SEC14L5: variants seen among roughly 807,000 people sequenced by gnomAD.
SEC14L5 encodes the protein SEC14 like lipid binding 5.
SEC14L5 carries 96 observed loss-of-function variants against 84.6 expected under a neutral mutation model. The ratio of observed to expected loss-of-function variants is 1.13; its 90% CI spans 0.96 to 1.34. The LOEUF (loss-of-function observed/expected upper bound fraction) is 1.34, where lower values mean the gene tolerates loss of function less well. Ranked by LOEUF, SEC14L5 falls within the 40% of genes most tolerant of loss-of-function variation. The pLI is 0.00. For missense variants in SEC14L5, 1,224 were observed against 942.5 expected (o/e 1.30, Z -3.91); for synonymous variants, 546 against 383.4 (o/e 1.42, Z -4.95).
intron 14 of SEC14L5, among the ~76,000 whole-genome samples, chr16:5,010,592 C>G (rs985536093): frequency 1.8e-4 from 27 of 152,124 alleles, no homozygotes; most frequent in Non-Finnish European, 4.4e-5. Flanking sequence ...GGAGGGCCGT[C>G]CTGCATGTCC....
intron 5 of SEC14L5, 88 bp from the exon 6 acceptor site, chr16:4,991,750 C>G: frequency 3.6e-6 from 3 of 842,290 alleles, no homozygotes; most frequent in Non-Finnish European, 5.3e-6. Context: ...GGGACCTGAG[C>G]CGGCTGGGGG....
rs183931288 is a variant in SEC14L5, at chr16:4,965,615, A to C, written c.63+6229A>C. On this transcript the variant is annotated intron_variant, in intron 2 of 15. Transcript: ENST00000251170. ...GGCGGAGCTTGCACTGAGCCGAGAT[A>C]GCACCACTGCACTCCAGCCTGGGCA... Among the ~76,000 whole-genome samples the C allele has an allele frequency of 5.0e-3, 722 of 144,226 alleles. 33 individuals are homozygous for C. In the East Asian group the frequency reaches 0.12, roughly 23 times the overall value. 94.6% of individuals were successfully genotyped at this position (144,226 alleles called of 152,430 possible). A position where few individuals can be genotyped will look rare whatever the true frequency, so the allele number is the denominator to read the frequency against.
rs371789202 is a variant in SEC14L5 at position 5,006,094 on chromosome 16, C to T, written c.1437+46C>T. 1,012 of 1,598,238 alleles carry T rather than the reference C, an allele frequency of 6.3e-4. 2 individuals are homozygous for T. Among genetic ancestry groups the T allele is most frequent in the Non-Finnish European group, 7.5e-4 (872 of 1,169,096 alleles). ...GACAGACCTGGGCTTGAGGAGGGGGCATGCCTAGCTGGGAGGCTGGGATTC... is the reference window on the plus strand; with the variant it reads ...GACAGACCTGGGCTTGAGGAGGGGGTATGCCTAGCTGGGAGGCTGGGATTC... On this transcript the variant is annotated intron_variant, in intron 12 of 15. Transcript: ENST00000251170.
At chr16:4,987,031 A>G (rs1248557306) in intron 2 of SEC14L5, among the ~76,000 whole-genome samples, 1 of 151,992 alleles carries the variant, frequency 6.6e-6, no homozygotes, top group South Asian at 2.1e-4. Flanking sequence ...TATTTCTTTT[A>G]CTTATCTAGA....
intron 1 of SEC14L5, among the ~76,000 whole-genome samples, chr16:4,958,735 G>C (rs1385555507): frequency 1.3e-5 from 2 of 152,250 alleles, no homozygotes; most frequent in African/African-American, 4.8e-5. Context: ...CAAAGTTGGA[G>C]GCGTGTGCAA....
chr16:5,010,493 C>T lies in SEC14L5; in HGVS notation c.1801-602C>T, dbSNP rs572944007. Reference sequence around the variant, plus strand: ...AGGTGGAATGTCACTCTCTGACTCCCGAAATGACACATGCACACACGCAGC... The same window carrying T: ...AGGTGGAATGTCACTCTCTGACTCCTGAAATGACACATGCACACACGCAGC... On this transcript the variant is annotated intron_variant, in intron 14 of 15. Transcript: ENST00000251170. 9.9e-5 allele frequency among the ~76,000 whole-genome samples: 15 copies of T among 152,228 alleles called. No individual in the cohort carries two copies. The South Asian group carries it at 1.7e-3, about 17-fold the overall frequency.
chr16:5,010,567 C>T (rs3815490), intron 14 of SEC14L5, among the ~76,000 whole-genome samples: 35,529 of 152,060 alleles, frequency 0.23, 4,945 homozygotes, highest in Admixed American at 0.34. Context: ...CCGAAGTTCC[C>T]GGTGGGGAGA....
chr16:4,989,306 TTTTG>T (rs910486035), intron 4 of SEC14L5, among the ~76,000 whole-genome samples: 14 of 148,346 alleles, frequency 9.4e-5, no homozygotes, highest in Admixed American at 2.1e-4. Flanking sequence ...GTGTTTTTTT[TTTTG>T]TTTGTTTGTT....
intron 6 of SEC14L5, among the ~76,000 whole-genome samples, 180 bp from the exon 7 acceptor site, chr16:4,996,168 T>G (rs1020800381): frequency 6.6e-6 from 1 of 152,068 alleles, no homozygotes; most frequent in African/African-American, 2.4e-5. Context: ...CCCTTGGACA[T>G]GGGCTGGAGA....
intron 15 of SEC14L5, among the ~76,000 whole-genome samples, chr16:5,011,903 A>G (rs1955809712): frequency 1.3e-5 from 2 of 152,190 alleles, no homozygotes; most frequent in Admixed American, 1.3e-4. Context: ...CTGGAGGCGG[A>G]GCAGGCAGTT....
chr16:4,964,931 G>A (rs1016165275), intron 2 of SEC14L5, among the ~76,000 whole-genome samples: 4 of 151,828 alleles, frequency 2.6e-5, no homozygotes, highest in African/African-American at 7.3e-5. Context: ...GGGTTTCACC[G>A]TGTTGGTCAG....
At chr16:5,001,950 T>G (rs1955682559) in intron 10 of SEC14L5, among the ~76,000 whole-genome samples, 1 of 152,080 alleles carries the variant, frequency 6.6e-6, no homozygotes, top group Non-Finnish European at 1.5e-5. Flanking sequence ...TTTTTTTTTT[T>G]GCAGAGATGA....
At chr16:4,990,657 C>G (rs1197898761) in intron 4 of SEC14L5, 110 bp from the exon 5 acceptor site, 2 of 1,120,644 alleles carry the variant, frequency 1.8e-6, no homozygotes, top group Non-Finnish European at 2.4e-6. Context: ...CAGGCTTGAT[C>G]TGCTTTCCAC....
chr16:5,000,868 A>G lies in SEC14L5; in HGVS notation c.1073A>G (p.Asn358Ser), dbSNP rs1298114496. The G allele has an allele frequency of 6.2e-7, 1 of 1,607,098 alleles. No individual in the cohort carries two copies. The highest frequency in any genetic ancestry group is 8.5e-7 in the Non-Finnish European group (1 of 1,176,894). The change falls in exon 10 of 16, where the codon AAC becomes AGC. Residue 358 changes from asparagine (N) to serine (S), a missense_variant. Asn to Ser is a conservative substitution (Grantham distance 46). Transcript: ENST00000251170. ...EALLRHVLSV[N>S]EEGQKRCEGS... ...TCTCCCTTCCAGGTTCTCTCCGTCA[A>G]CGAGGAAGGACAGAAGCGGTGTGAG...
chr16:4,986,614 T>C (rs1469165973), intron 2 of SEC14L5, among the ~76,000 whole-genome samples: 1 of 152,230 alleles, frequency 6.6e-6, no homozygotes, highest in East Asian at 1.9e-4. Context: ...ATCTGTAGAC[T>C]AGTTGGGGAA....
chr16:4,961,785 C>T (rs1327672811), intron 2 of SEC14L5, among the ~76,000 whole-genome samples: 1 of 152,152 alleles, frequency 6.6e-6, no homozygotes, highest in African/African-American at 2.4e-5. Flanking sequence ...TAATGTGTCT[C>T]AGATTCATGG....
At chr16:5,014,659 C>T (rs1455078738) in intron 15 of SEC14L5, among the ~76,000 whole-genome samples, 200 bp from the exon 16 acceptor site, 2 of 152,242 alleles carry the variant, frequency 1.3e-5, no homozygotes, top group African/African-American at 4.8e-5. Context: ...CTGTGGCAGG[C>T]TGGGCTCCAT....
chr16:4,997,369 G>C (rs189608524), intron 8 of SEC14L5, among the ~76,000 whole-genome samples: 2 of 152,300 alleles, frequency 1.3e-5, no homozygotes, highest in African/African-American at 4.8e-5. Context: ...CAAAGTGTTG[G>C]GATTACAGGC....
chr16:4,964,039 T>C (rs961008057), intron 2 of SEC14L5, among the ~76,000 whole-genome samples: 27 of 152,192 alleles, frequency 1.8e-4, no homozygotes, highest in African/African-American at 6.3e-4. Context: ...ACAATGAGCT[T>C]TTATTATCTT....
Sources: allele counts gnomAD v4.1 joint callset (sites outside exome capture counted in the v4.1 genomes callset), GRCh38; gene constraint gnomAD v4.1.1; transcripts MANE v1.5; gene names NCBI Gene and HGNC (gene_info 2026-07-23, HGNC 2026-07-21).